The following EYA1 variants were observed in gnomAD, a reference collection of about 807,000 sequenced individuals.
The protein encoded by EYA1 is EYA transcriptional coactivator and phosphatase 1.
A neutral mutation model predicts 82.0 loss-of-function variants in EYA1; 16 were observed. The observed-to-expected ratio is 0.20, with a 90% confidence interval of 0.13 to 0.30. EYA1 has a LOEUF of 0.30. EYA1 is among the 10% of genes least tolerant of loss of function. EYA1 has a pLI of 1.00. For synonymous variants in EYA1, 261 were observed against 264.4 expected (o/e 0.99, Z 0.12); for missense variants, 633 against 730.7 (o/e 0.87, Z 1.54).
At chr8:71,211,505 CT>C (rs1282496435) in intron 16 of EYA1, among the ~76,000 whole-genome samples, 2 of 152,266 alleles carry the variant, frequency 1.3e-5, no homozygotes, top group Non-Finnish European at 1.5e-5. Flanking sequence ...TTCCCAAGGA[CT>C]CATTTATTAA....
At chr8:71,279,336 C>T (rs1245205041) in intron 9 of EYA1, among the ~76,000 whole-genome samples, 1 of 152,086 alleles carries the variant, frequency 6.6e-6, no homozygotes, top group African/African-American at 2.4e-5. Flanking sequence ...ACTAAGGCAC[C>T]CCTGAACTTT....
chr8:71,202,046 A>T (rs1011276787), intron 17 of EYA1, among the ~76,000 whole-genome samples: 1 of 152,226 alleles, frequency 6.6e-6, no homozygotes, highest in Non-Finnish European at 1.5e-5. Flanking sequence ...TCATAAAAAC[A>T]TACAAAAATA....
chr8:71,531,984 A>G (rs891847787), intron 2 of EYA1, among the ~76,000 whole-genome samples: 6 of 152,196 alleles, frequency 3.9e-5, no homozygotes, highest in Admixed American at 6.5e-5. Flanking sequence ...TCATGTCTAC[A>G]TAGGATCAAA....
intron 2 of EYA1, chr8:71,470,853 T>C (rs1809141182): frequency 4.4e-6 from 2 of 454,400 alleles, no homozygotes; most frequent in Non-Finnish European, 8.8e-6. Flanking sequence ...AAATGTCAGA[T>C]TTACCTTTAA....
chr8:71,491,498 G>A (rs1810994761), intron 2 of EYA1, among the ~76,000 whole-genome samples: 1 of 152,094 alleles, frequency 6.6e-6, no homozygotes, highest in South Asian at 2.1e-4. Context: ...GTTTTAAAAA[G>A]GCAATTAAGG....
At chr8:71,447,562 GT>G (rs1806991860) in intron 2 of EYA1, among the ~76,000 whole-genome samples, 3 of 152,076 alleles carry the variant, frequency 2.0e-5, no homozygotes, top group African/African-American at 7.2e-5. Flanking sequence ...ATTGATTTAA[GT>G]TTTGATAATT....
At chr8:71,500,922 A>G (rs1302564529) in intron 2 of EYA1, among the ~76,000 whole-genome samples, 1 of 152,234 alleles carries the variant, frequency 6.6e-6, no homozygotes, top group Non-Finnish European at 1.5e-5. Flanking sequence ...TAAGCCAGAT[A>G]GCTAGATGTT....
At chr8:71,397,158 C>T (rs1829675001) in intron 2 of EYA1, among the ~76,000 whole-genome samples, 1 of 152,066 alleles carries the variant, frequency 6.6e-6, no homozygotes, top group African/African-American at 2.4e-5. Flanking sequence ...TTTCTCCATC[C>T]CTTTATTTTG....
At chr8:71,395,264 C>A (rs1386735459) in intron 2 of EYA1, among the ~76,000 whole-genome samples, 2 of 152,226 alleles carry the variant, frequency 1.3e-5, no homozygotes, top group Non-Finnish European at 2.9e-5. Flanking sequence ...TCCTCTTTTC[C>A]TAATTGAATA....
intron 3 of EYA1, among the ~76,000 whole-genome samples, chr8:71,351,636 T>C (rs941581695): frequency 1.3e-5 from 2 of 152,212 alleles, no homozygotes; most frequent in Non-Finnish European, 2.9e-5. Context: ...CTCAGTGTCT[T>C]TCTGTCTTTA....
chr8:71,455,585 G>T (rs554398933), intron 2 of EYA1, among the ~76,000 whole-genome samples: 1 of 152,296 alleles, frequency 6.6e-6, no homozygotes, highest in Admixed American at 6.5e-5. Flanking sequence ...TCATCCCTGG[G>T]ATGCAAGGCT....
At chr8:71,364,021 G>A (rs982398291), upstream of EYA1, among the ~76,000 whole-genome samples, 1 of 151,778 alleles carries the variant, frequency 6.6e-6, no homozygotes, top group Non-Finnish European at 1.5e-5. Context: ...CCACATTATA[G>A]TTAAATGTAT....
chr8:71,275,491 G>T (rs1461143353), intron 9 of EYA1, among the ~76,000 whole-genome samples: 1 of 152,182 alleles, frequency 6.6e-6, no homozygotes, highest in Non-Finnish European at 1.5e-5. Flanking sequence ...CTGGGTTTAG[G>T]ATTGGAAACT....
At chr8:71,273,042 C>T (rs954495853) in intron 9 of EYA1, among the ~76,000 whole-genome samples, 12 of 152,180 alleles carry the variant, frequency 7.9e-5, no homozygotes, top group African/African-American at 1.4e-4. Context: ...ATTACCTCCA[C>T]GCTTAAGTGC....
intron 9 of EYA1, among the ~76,000 whole-genome samples, chr8:71,279,443 T>C (rs1261331926): frequency 1.3e-5 from 2 of 152,316 alleles, no homozygotes; most frequent in South Asian, 2.1e-4. Flanking sequence ...GAGGTTGAAA[T>C]CTAAGTCAAG....
chr8:71,396,121 T>C (rs1829595925), intron 2 of EYA1, among the ~76,000 whole-genome samples: 1 of 152,252 alleles, frequency 6.6e-6, no homozygotes, highest in Non-Finnish European at 1.5e-5. Flanking sequence ...TGTATTTCTG[T>C]GGGATCGGTG....
chr8:71,401,114 C>A (rs73294261), intron 2 of EYA1, among the ~76,000 whole-genome samples: 2 of 152,030 alleles, frequency 1.3e-5, no homozygotes, highest in East Asian at 1.9e-4. Context: ...GGGAGGGGAA[C>A]GAACACACTG....
At chr8:71,421,897 A>G (rs1275880326) in intron 2 of EYA1, among the ~76,000 whole-genome samples, 1 of 152,192 alleles carries the variant, frequency 6.6e-6, no homozygotes, top group African/African-American at 2.4e-5. Flanking sequence ...AGGGAGGGGG[A>G]CAGGTTGACA....
intron 9 of EYA1, among the ~76,000 whole-genome samples, chr8:71,276,925 A>G (rs1817241662): frequency 1.3e-5 from 2 of 152,072 alleles, no homozygotes; most frequent in Admixed American, 6.6e-5. Context: ...ACTAACATAC[A>G]TGTAAAGGTA....
Sources: allele counts gnomAD v4.1 joint callset (sites outside exome capture counted in the v4.1 genomes callset), GRCh38; gene constraint gnomAD v4.1.1; transcripts MANE v1.5; gene names NCBI Gene and HGNC (gene_info 2026-07-23, HGNC 2026-07-21).